Variants in RBM27 observed in about 807,000 individuals in gnomAD.
RBM27 encodes the protein RNA-binding protein 27.
Under a neutral mutation model 135.3 loss-of-function variants are expected in RBM27, and 22 were observed. The observed-to-expected ratio is 0.16, with a 90% CI of 0.12 to 0.23. The LOEUF is 0.23. Among genes scored for constraint, RBM27 ranks in the 10% least tolerant of loss-of-function variants. The pLI is 1.00. For synonymous variants in RBM27, 481 were observed against 442.4 expected (o/e 1.09, Z -1.10); for missense variants, 1,009 against 1,281.0 (o/e 0.79, Z 3.24).
At chr5:146,251,032 C>A (rs893027392) in intron 8 of RBM27, among the ~76,000 whole-genome samples, 1 of 149,306 alleles carries the variant, frequency 6.7e-6, no homozygotes. Context: ...ACCTCGGCCT[C>A]CCAAAGTGCT....
intron 3 of RBM27, among the ~76,000 whole-genome samples, chr5:146,228,595 C>G (rs1224769690): frequency 6.6e-6 from 1 of 151,626 alleles, no homozygotes; most frequent in South Asian, 2.1e-4. Context: ...AGGGACCATT[C>G]TTATTTTGTT....
chr5:146,255,097 G>C lies in RBM27; in HGVS notation c.1594+5G>C, dbSNP rs774929384. 1 of 1,607,064 alleles carries C rather than the reference G, an allele frequency of 6.2e-7. No homozygotes were observed. The highest frequency in any genetic ancestry group is 8.5e-7 in the Non-Finnish European group (1 of 1,175,716). On this transcript the variant is annotated splice_donor_5th_base_variant and intron_variant, in intron 10 of 20. Coordinates refer to ENST00000265271, the MANE Select transcript of RBM27 (RefSeq NM_018989.2). ...ATATGGATGTAAATCCAAGAGGTGA[G>C]AATACCTTGAACTTTTTCTGATGCT...
At chr5:146,268,586 T>C (rs527911956) in intron 15 of RBM27, among the ~76,000 whole-genome samples, 5 of 152,242 alleles carry the variant, frequency 3.3e-5, no homozygotes, top group Admixed American at 3.3e-4. Context: ...CTTTTTTCTT[T>C]TCTTTTCTTT....
At chr5:146,279,857 T>A (rs1759257005) in intron 19 of RBM27, among the ~76,000 whole-genome samples, 1 of 151,998 alleles carries the variant, frequency 6.6e-6, no homozygotes, top group Non-Finnish European at 1.5e-5. Flanking sequence ...ATCTCCCTTT[T>A]ATTAATCTTT....
At chr5:146,228,790 T>G (rs1438788690) in intron 3 of RBM27, among the ~76,000 whole-genome samples, 156 bp from the exon 4 acceptor site, 1 of 151,992 alleles carries the variant, frequency 6.6e-6, no homozygotes, top group Non-Finnish European at 1.5e-5. Flanking sequence ...ATTTATTATT[T>G]TTAGTAGAGA....
chr5:146,276,023 T>G (rs747341044), intron 19 of RBM27, among the ~76,000 whole-genome samples: 1 of 152,164 alleles, frequency 6.6e-6, no homozygotes, highest in African/African-American at 2.4e-5. Context: ...TGCCTTGACC[T>G]CCCAAAATGT....
chr5:146,267,912 GAAA>G lies in RBM27; in HGVS notation c.2451+150_2451+152del, dbSNP rs543294529. On this transcript the variant is annotated intron_variant, in intron 15 of 20. Transcript: ENST00000265271. ...TAGCTTCTTCTCTAATGTAAACTTG[GAAA>G]AAAAAGGTGGACATACAGAAAAAAT... 1.7e-4 allele frequency: 151 copies of G among 889,446 alleles called. No homozygotes were observed. In the East Asian group the frequency reaches 3.5e-3, roughly 21 times the overall value. 55.1% of individuals were successfully genotyped at this position (889,446 alleles called of 1,614,324 possible).
chr5:146,219,786 C>G lies in RBM27; in HGVS notation c.178+683C>G, dbSNP rs535624272. On this transcript the variant is annotated intron_variant, in intron 2 of 20. Coordinates refer to ENST00000265271, the MANE Select transcript of RBM27 (RefSeq NM_018989.2). ...AAATGTCATCTTCTGAAAGCAGTTTCCCCTGAGTGCTCTACATACAGTGTA... is the reference window on the plus strand; with the variant it reads ...AAATGTCATCTTCTGAAAGCAGTTTGCCCTGAGTGCTCTACATACAGTGTA... Among the ~76,000 whole-genome samples, 17 of 152,304 alleles carry G rather than the reference C, an allele frequency of 1.1e-4. No homozygotes were observed. The East Asian group carries it at 2.5e-3, about 22-fold the overall frequency.
At chr5:146,208,498 T>C (rs1755801234) in intron 1 of RBM27, among the ~76,000 whole-genome samples, 1 of 151,416 alleles carries the variant, frequency 6.6e-6, no homozygotes. Context: ...GGGAAACCAA[T>C]ATCTCAGTCG....
chr5:146,205,037 A>G (rs750899983), intron 1 of RBM27, among the ~76,000 whole-genome samples: 3 of 152,114 alleles, frequency 2.0e-5, no homozygotes, highest in Non-Finnish European at 4.4e-5. Flanking sequence ...AGCTGGAACT[A>G]CCGGCGCGCG....
chr5:146,263,529 T>C lies in RBM27; in HGVS notation c.2229T>C (p.Leu743=). Reference sequence around the variant, plus strand: ...CACAGACATCAGGTGCATATGTTCTTAACAAAGTTCCTGTTAAACATCGTC... The same window carrying C: ...CACAGACATCAGGTGCATATGTTCTCAACAAAGTTCCTGTTAAACATCGTC... ...SKPQTSGAYV[L]NKVPVKHRLG... is the part of the protein sequence containing the mutation. The change falls in exon 14 of 21, where the codon CTT becomes CTC. Residue 743 remains leucine, a synonymous_variant. Coordinates refer to ENST00000265271, the MANE Select transcript of RBM27 (RefSeq NM_018989.2). 6.2e-7 allele frequency: 1 copy of C among 1,614,194 alleles called. No individual in the cohort carries two copies. Among genetic ancestry groups the C allele is most frequent in the Admixed American group, 1.7e-5 (1 of 60,032 alleles).
chr5:146,224,499 TG>T, intron 3 of RBM27, among the ~76,000 whole-genome samples: 1 of 152,152 alleles, frequency 6.6e-6, no homozygotes, highest in South Asian at 2.1e-4. Flanking sequence ...CTGGCCAACA[TG>T]GGAAACCCTG....
At chr5:146,221,463 C>T (rs1181249493) in intron 2 of RBM27, among the ~76,000 whole-genome samples, 1 of 151,916 alleles carries the variant, frequency 6.6e-6, no homozygotes, top group Non-Finnish European at 1.5e-5. Context: ...GACAGAGTTT[C>T]GCTCTTGTTG....
chr5:146,269,306 A>G (rs1409263144), intron 16 of RBM27, 25 bp downstream of exon 16: 6 of 1,554,078 alleles, frequency 3.9e-6, no homozygotes, highest in Non-Finnish European at 5.3e-6. Flanking sequence ...CATTATTTGC[A>G]TGCTAGAATT....
intron 1 of RBM27, among the ~76,000 whole-genome samples, chr5:146,209,516 G>T (rs1027903075): frequency 4.6e-5 from 7 of 152,108 alleles, no homozygotes; most frequent in Non-Finnish European, 8.8e-5. Flanking sequence ...CATATTTATG[G>T]GTTCAGTGAT....
At chr5:146,248,218 A>C (rs1757715214) in intron 8 of RBM27, among the ~76,000 whole-genome samples, 1 of 144,516 alleles carries the variant, frequency 6.9e-6, no homozygotes, top group African/African-American at 2.6e-5. Context: ...GAGCCTCTTC[A>C]TGTTGGCTTC....
At chr5:146,217,394 T>G (rs1001807424) in intron 1 of RBM27, among the ~76,000 whole-genome samples, 2 of 151,900 alleles carry the variant, frequency 1.3e-5, no homozygotes, top group African/African-American at 2.4e-5. Flanking sequence ...TACTGGTGCT[T>G]GGTTTTTATT....
intron 11 of RBM27, among the ~76,000 whole-genome samples, chr5:146,259,398 G>A (rs1758265365): frequency 6.6e-6 from 1 of 151,594 alleles, no homozygotes; most frequent in Admixed American, 6.6e-5. Context: ...CAGCAACTTG[G>A]GAGGCTGAGG....
intron 19 of RBM27, among the ~76,000 whole-genome samples, chr5:146,276,995 C>T (rs1249606753): frequency 1.3e-5 from 2 of 152,198 alleles, no homozygotes; most frequent in South Asian, 2.1e-4. Flanking sequence ...ACCTTTTCTG[C>T]ACACTTTACT....
Sources: gnomAD v4.1 joint callset for allele counts (sites outside exome capture counted in the v4.1 genomes callset) on GRCh38, gnomAD v4.1.1 for gene constraint, MANE v1.5 for transcripts, NCBI Gene and HGNC (gene_info 2026-07-23, HGNC 2026-07-21) for gene names.